The following MIB1 variants were observed in gnomAD, a reference collection of about 807,000 sequenced individuals.
The protein encoded by MIB1 is E3 ubiquitin-protein ligase MIB1.
In MIB1, 278 loss-of-function variants were observed where a neutral mutation model predicts 124.5. The observed-to-expected ratio is 2.23, with a 90% CI of 2.02 to 2.47. The LOEUF (loss-of-function observed/expected upper bound fraction) is 2.47, where lower values mean the gene tolerates loss of function less well. Ranked by LOEUF, MIB1 falls within the 30% of genes most tolerant of loss-of-function variation. The pLI, the probability that MIB1 is intolerant of heterozygous loss-of-function variation, is 0.00. For synonymous variants in MIB1, 446 were observed against 429.4 expected, an observed-to-expected ratio of 1.04 and a Z score of -0.48; for missense variants, 957 against 1,254.4, an observed-to-expected ratio of 0.76 and a Z score of 3.58.
chr18:21,815,777 G>A lies in MIB1; in HGVS notation c.1641G>A (p.Lys547=). 1 of 1,614,106 alleles carries A rather than the reference G, an allele frequency of 6.2e-7. No homozygotes were observed. The change falls in exon 11 of 21, where the codon AAG becomes AAA. Residue 547 remains lysine, a synonymous_variant. Transcript: ENST00000261537. ...ATAAAGGTCATCTTCAAGTTGTGAA[G>A]ACTTTATTGGACTTTGGCTGTCATC... ...AVNKGHLQVV[K]TLLDFGCHPS... is the part of the protein sequence containing the mutation.
intron 12 of MIB1, chr18:21,827,698 T>G (rs2041938631): frequency 6.6e-6 from 1 of 152,084 alleles, no homozygotes; most frequent in Non-Finnish European, 1.5e-5. Context: ...TAAAATTATG[T>G]GCCTTTTATA....
chr18:21,788,334 C>T (rs1208066023), intron 6 of MIB1, among the ~76,000 whole-genome samples: 1 of 152,126 alleles, frequency 6.6e-6, no homozygotes, highest in Non-Finnish European at 1.5e-5. Flanking sequence ...CTAGGTATAG[C>T]ATTAGGCCTG....
chr18:21,806,998 A>C (rs1219381060), intron 10 of MIB1, among the ~76,000 whole-genome samples: 1 of 152,224 alleles, frequency 6.6e-6, no homozygotes, highest in East Asian at 1.9e-4. Context: ...CATATTCCTC[A>C]TTTGGATTTC....
chr18:21,785,273 G>A (rs1016389006), intron 6 of MIB1, among the ~76,000 whole-genome samples: 4 of 151,686 alleles, frequency 2.6e-5, no homozygotes, highest in South Asian at 4.2e-4. Context: ...ATTTGGGGCC[G>A]CTACCGGTCT....
intron 4 of MIB1, 88 bp downstream of exon 4, chr18:21,773,816 T>C (rs1010136486): frequency 3.2e-4 from 239 of 740,966 alleles, no homozygotes; most frequent in Non-Finnish European, 1.4e-4. Context: ...TCCTTTGTCA[T>C]CTCCCTTTGT....
chr18:21,773,190 G>A (rs2041241584), intron 3 of MIB1, among the ~76,000 whole-genome samples: 1 of 152,096 alleles, frequency 6.6e-6, no homozygotes, highest in South Asian at 2.1e-4. Flanking sequence ...CTTGAACCCG[G>A]GAGGCGGAGG....
At chr18:21,785,463 C>A (rs62090812) in intron 6 of MIB1, among the ~76,000 whole-genome samples, 3,453 of 152,288 alleles carry the variant, frequency 0.023, 50 homozygotes, top group Non-Finnish European at 0.033. Context: ...GACGTCTTAA[C>A]TTTGATTACA....
intron 7 of MIB1, among the ~76,000 whole-genome samples, chr18:21,796,537 C>T (rs1309319088): frequency 6.6e-6 from 1 of 152,134 alleles, no homozygotes; most frequent in African/African-American, 2.4e-5. Flanking sequence ...ACTTTCTGCA[C>T]ATGTATCCCA....
rs11661758 is a variant in MIB1, at chr18:21,863,185, C to T, written c.2881-1341C>T. Among the ~76,000 whole-genome samples, 625 of 152,290 alleles carry T rather than the reference C, an allele frequency of 4.1e-3. 5 individuals are homozygous for T. The highest frequency in any genetic ancestry group is 5.8e-3 in the Non-Finnish European group (397 of 68,006). ...AGCGGCACCCAGGTGGGGGTGCCTG[C>T]GACTCCAAAGCCCCTGAGGGCATGT... On this transcript the variant is annotated intron_variant, in intron 20 of 20. Coordinates refer to ENST00000261537, the MANE Select transcript of MIB1 (RefSeq NM_020774.4).
chr18:21,864,028 A>G (rs2042299311), intron 20 of MIB1, among the ~76,000 whole-genome samples: 1 of 151,950 alleles, frequency 6.6e-6, no homozygotes, highest in African/African-American at 2.4e-5. Context: ...GAAAGAACCA[A>G]TTGGGAGAGA....
chr18:21,711,792 C>T (rs2040666906), intron 1 of MIB1, among the ~76,000 whole-genome samples: 1 of 152,186 alleles, frequency 6.6e-6, no homozygotes, highest in Non-Finnish European at 1.5e-5. Context: ...CTCCCAGGCT[C>T]AAGTCATCCT....
intron 1 of MIB1, among the ~76,000 whole-genome samples, chr18:21,706,560 G>A (rs1323952449): frequency 1.3e-5 from 2 of 152,174 alleles, no homozygotes; most frequent in Non-Finnish European, 2.9e-5. Flanking sequence ...CCGCGATCAC[G>A]GGCCAGCGGG....
intron 1 of MIB1, among the ~76,000 whole-genome samples, chr18:21,762,075 A>G: frequency 6.6e-6 from 1 of 152,194 alleles, no homozygotes; most frequent in East Asian, 1.9e-4. Flanking sequence ...TTAAAAAGAA[A>G]ATAGGAAATA....
chr18:21,782,205 C>T (rs1274649848), intron 6 of MIB1, among the ~76,000 whole-genome samples: 8 of 152,138 alleles, frequency 5.3e-5, no homozygotes, highest in Admixed American at 3.9e-4. Flanking sequence ...TCACTGCAAC[C>T]TCTGCCTTCT....
At chr18:21,759,731 T>G (rs2041077305) in intron 1 of MIB1, among the ~76,000 whole-genome samples, 1 of 152,182 alleles carries the variant, frequency 6.6e-6, no homozygotes, top group Non-Finnish European at 1.5e-5. Context: ...ATTTAGAGAT[T>G]TTTGTTCTGT....
At chr18:21,762,948 T>C (rs2041114136) in intron 1 of MIB1, among the ~76,000 whole-genome samples, 1 of 152,166 alleles carries the variant, frequency 6.6e-6, no homozygotes, top group Admixed American at 6.5e-5. Flanking sequence ...ATTATTTAAA[T>C]AGATGACTAG....
chr18:21,730,681 C>T (rs1040699675), intron 1 of MIB1, among the ~76,000 whole-genome samples: 1 of 152,218 alleles, frequency 6.6e-6, no homozygotes, highest in Non-Finnish European at 1.5e-5. Context: ...AGGTCACCAT[C>T]TTCTCTCAAT....
chr18:21,710,124 T>C (rs2040659085), intron 1 of MIB1, among the ~76,000 whole-genome samples: 3 of 151,990 alleles, frequency 2.0e-5, no homozygotes, highest in Non-Finnish European at 4.4e-5. Flanking sequence ...AATGAAATTC[T>C]CTTTTTTTTT....
chr18:21,797,317 T>A (rs941285152), intron 7 of MIB1, among the ~76,000 whole-genome samples: 1 of 152,130 alleles, frequency 6.6e-6, no homozygotes, highest in African/African-American at 2.4e-5. Context: ...TGTCTACTTT[T>A]GTATCTCTTG....
Sources: gnomAD v4.1 joint callset for allele counts (sites outside exome capture counted in the v4.1 genomes callset) on GRCh38, gnomAD v4.1.1 for gene constraint, MANE v1.5 for transcripts, NCBI Gene and HGNC (gene_info 2026-07-23, HGNC 2026-07-21) for gene names.